TTLL7: variants seen among roughly 807,000 people sequenced by gnomAD.
TTLL7 encodes tubulin tyrosine ligase like 7.
In TTLL7, 53 loss-of-function variants were observed where a neutral mutation model predicts 120.2. That is an observed-to-expected ratio of 0.44 (90% CI 0.35 to 0.55). The LOEUF (loss-of-function observed/expected upper bound fraction) is 0.55. Among genes scored for constraint, TTLL7 ranks in the 20% least tolerant of loss-of-function variants. The pLI is 0.00. For missense variants in TTLL7, 803 were observed against 1,054.7 expected (o/e 0.76, Z 3.31); for synonymous variants, 353 against 351.7 (o/e 1.00, Z -0.04).
At chr1:83,992,191 T>C (rs961326339) in intron 1 of TTLL7, among the ~76,000 whole-genome samples, 4 of 152,208 alleles carry the variant, frequency 2.6e-5, no homozygotes, top group South Asian at 2.1e-4. Context: ...CATATATATA[T>C]ACAGCTCACT....
chr1:83,880,986 G>A (rs1654401557), intron 20 of TTLL7, among the ~76,000 whole-genome samples: 1 of 152,066 alleles, frequency 6.6e-6, no homozygotes, highest in Non-Finnish European at 1.5e-5. Flanking sequence ...AATAAGCAAT[G>A]GGGAAAGGAT....
intron 14 of TTLL7, among the ~76,000 whole-genome samples, chr1:83,916,547 G>A (rs954402666): frequency 7.3e-5 from 11 of 151,660 alleles, no homozygotes; most frequent in East Asian, 1.9e-4. Flanking sequence ...AGTAAATGAC[G>A]AGTTAATGGG....
At chr1:83,903,504 A>G (rs944907708) in intron 18 of TTLL7, among the ~76,000 whole-genome samples, 7 of 152,018 alleles carry the variant, frequency 4.6e-5, no homozygotes, top group African/African-American at 1.4e-4. Flanking sequence ...ACTCCCAGAT[A>G]GCAAAATCCA....
At chr1:83,894,633 C>T (rs181751675) in intron 18 of TTLL7, among the ~76,000 whole-genome samples, 7 of 152,098 alleles carry the variant, frequency 4.6e-5, no homozygotes, top group Admixed American at 2.6e-4. Context: ...AGAATGGAGC[C>T]GGGGAGTTAG....
Position 83,929,313 on chromosome 1 carries a change from A to C in TTLL7, c.1048-83T>G, listed in dbSNP as rs1659392188. ...TTAATCCAATGTGGGATCTCTAGCCAGTAGAACAACTCTACATTAAACCTC... is the reference window on the plus strand; with the variant it reads ...TTAATCCAATGTGGGATCTCTAGCCCGTAGAACAACTCTACATTAAACCTC... On this transcript the variant is annotated intron_variant, in intron 9 of 20. Coordinates refer to ENST00000260505, the MANE Select transcript of TTLL7 (RefSeq NM_024686.6). The C allele has an allele frequency of 2.0e-6, 2 of 999,884 alleles. 1 individual carries two copies. The highest frequency in any genetic ancestry group is 4.4e-5 in the Admixed American group (2 of 45,378). 61.9% of individuals were successfully genotyped at this position (999,884 alleles called of 1,614,324 possible). A position where few individuals can be genotyped will look rare whatever the true frequency, so the allele number is the denominator to read the frequency against.
At chr1:83,901,290 AT>A (rs1656700092) in intron 18 of TTLL7, among the ~76,000 whole-genome samples, 1 of 151,862 alleles carries the variant, frequency 6.6e-6, no homozygotes, top group African/African-American at 2.4e-5. Context: ...TAAATTTTTA[AT>A]ATTTTCTTTT....
Position 83,907,671 on chromosome 1 carries a change from A to G in TTLL7, c.1787-10T>C, listed in dbSNP as rs768859243. On this transcript the variant is annotated splice_polypyrimidine_tract_variant and intron_variant, in intron 15 of 20. Coordinates refer to ENST00000260505, the MANE Select transcript of TTLL7 (RefSeq NM_024686.6). ...GAACGTCTTATGGAGCCTATCAGTG[A>G]TGGAGAAGAGGGATACTACAGTAGC... 11 of 1,610,882 alleles carry G rather than the reference A, an allele frequency of 6.8e-6. No homozygotes were observed. In the South Asian group the frequency reaches 1.2e-4, roughly 18 times the overall value.
At chr1:83,897,661 G>A (rs924050985) in intron 18 of TTLL7, among the ~76,000 whole-genome samples, 41 of 151,990 alleles carry the variant, frequency 2.7e-4, no homozygotes, top group African/African-American at 8.7e-4. Flanking sequence ...TCTGCTCACT[G>A]TGATCCCTTC....
At chr1:83,953,555 T>C (rs1393068121) in intron 1 of TTLL7, among the ~76,000 whole-genome samples, 1 of 152,164 alleles carries the variant, frequency 6.6e-6, no homozygotes, top group Non-Finnish European at 1.5e-5. Flanking sequence ...TTGTCTAGTA[T>C]AATTCAATAT....
intron 1 of TTLL7, among the ~76,000 whole-genome samples, chr1:83,974,229 G>A (rs1453471369): frequency 1.3e-5 from 2 of 151,942 alleles, no homozygotes; most frequent in African/African-American, 2.4e-5. Flanking sequence ...TGCATACTAA[G>A]TATTACGAAC....
In TTLL7 at chr1:83,865,636, T is replaced by C. The variant is rs189412591; in HGVS notation, c.*4326A>G. 34 of 152,174 alleles carry C rather than the reference T, an allele frequency of 2.2e-4. No individual in the cohort carries two copies. Among genetic ancestry groups the C allele is most frequent in the African/African-American group, 7.2e-4 (30 of 41,572 alleles). 9.4% of individuals were successfully genotyped at this position (152,174 alleles called of 1,614,324 possible). On this transcript the variant is annotated 3_prime_UTR_variant, in exon 21 of 21. Coordinates refer to ENST00000260505, the MANE Select transcript of TTLL7 (RefSeq NM_024686.6). ...ACTTATTTGTAGCCATATATCTTGCTTTATATGTATCCAGACAATAAACGC... is the reference window on the plus strand; with the variant it reads ...ACTTATTTGTAGCCATATATCTTGCCTTATATGTATCCAGACAATAAACGC...
chr1:83,953,306 C>T (rs187928862), intron 1 of TTLL7, among the ~76,000 whole-genome samples: 4 of 152,244 alleles, frequency 2.6e-5, no homozygotes, highest in Admixed American at 2.6e-4. Flanking sequence ...AAGAATCCTT[C>T]AGTTCTTGTA....
In TTLL7 at chr1:83,932,569, G is replaced by GCACACA. The variant is rs35245320; in HGVS notation, c.1047+1033_1047+1038dup. Among the ~76,000 whole-genome samples the GCACACA allele has an allele frequency of 1.1e-4, 17 of 150,124 alleles. No individual in the cohort carries two copies. In the East Asian group the frequency reaches 1.6e-3, roughly 14 times the overall value. ...TAGATGTGACCACACATAGGCGCGCGCACACACACACACACACACAATCTT... is the reference window on the plus strand; with the variant it reads ...TAGATGTGACCACACATAGGCGCGCGCACACACACACACACACACACACACAATCTT... On this transcript the variant is annotated intron_variant, in intron 9 of 20. Transcript: ENST00000260505.
At chr1:83,941,987 T>C (rs1361000418) in intron 7 of TTLL7, among the ~76,000 whole-genome samples, 1 of 152,146 alleles carries the variant, frequency 6.6e-6, no homozygotes, top group Non-Finnish European at 1.5e-5. Flanking sequence ...AACTTTTGCT[T>C]TTTCCTTTTC....
intron 1 of TTLL7, among the ~76,000 whole-genome samples, chr1:83,992,136 C>T (rs889978723): frequency 2.0e-5 from 3 of 152,090 alleles, no homozygotes; most frequent in Admixed American, 1.3e-4. Flanking sequence ...TTTCTTTCTG[C>T]CAAAAATGCT....
At chr1:83,998,696 C>A (rs1317490913) in intron 1 of TTLL7, among the ~76,000 whole-genome samples, 1 of 152,078 alleles carries the variant, frequency 6.6e-6, no homozygotes, top group Non-Finnish European at 1.5e-5. Flanking sequence ...CAACTGACCC[C>A]GTCCCCTCCG....
chr1:83,960,572 G>C (rs1046555470), intron 1 of TTLL7, among the ~76,000 whole-genome samples: 3 of 152,064 alleles, frequency 2.0e-5, no homozygotes, highest in Non-Finnish European at 4.4e-5. Flanking sequence ...GCCAGTTTGA[G>C]GGGTGAGATT....
rs374108660 is a variant in TTLL7, at chr1:83,930,164, G to A, written c.1048-934C>T. Among the ~76,000 whole-genome samples, 82 of 152,148 alleles carry A rather than the reference G, an allele frequency of 5.4e-4. 1 individual carries two copies. The South Asian group carries it at 0.013, about 24-fold the overall frequency. ...ATCCCACTACTTAACACTTAGTGTC[G>A]TGTTAACCGTTTGGTAGATAGTATT... On this transcript the variant is annotated intron_variant, in intron 9 of 20. Transcript: ENST00000260505.
At chr1:83,904,692 T>C (rs1270046766) in intron 17 of TTLL7, among the ~76,000 whole-genome samples, 1 of 152,066 alleles carries the variant, frequency 6.6e-6, no homozygotes, top group African/African-American at 2.4e-5. Context: ...CACATAAGAT[T>C]TGGCAAGAAA....
Sources: gnomAD v4.1 joint callset for allele counts (sites outside exome capture counted in the v4.1 genomes callset) on GRCh38, gnomAD v4.1.1 for gene constraint, MANE v1.5 for transcripts, NCBI Gene and HGNC (gene_info 2026-07-23, HGNC 2026-07-21) for gene names.